MACROD2: variants seen among roughly 807,000 people sequenced by gnomAD.
The protein encoded by MACROD2 is mono-ADP ribosylhydrolase 2.
Under a neutral mutation model 70.4 loss-of-function variants are expected in MACROD2, and 36 were observed. The observed-to-expected ratio is 0.51, with a 90% CI of 0.39 to 0.68. MACROD2 has a LOEUF of 0.68. Ranked by LOEUF, MACROD2 falls within the 30% of genes least tolerant of loss-of-function variation. MACROD2 has a pLI of 0.00. For synonymous variants in MACROD2, 172 were observed against 178.8 expected (o/e 0.96, Z 0.30); for missense variants, 496 against 538.4 (o/e 0.92, Z 0.78).
At chr20:14,913,454 A>C (rs1568871060) in intron 5 of MACROD2, among the ~76,000 whole-genome samples, 1 of 152,150 alleles carries the variant, frequency 6.6e-6, no homozygotes, top group African/African-American at 2.4e-5. Context: ...TGGAAAGCCA[A>C]GGCAGGAGGA....
intron 5 of MACROD2, among the ~76,000 whole-genome samples, chr20:15,099,954 A>T (rs1487349416): frequency 6.6e-6 from 1 of 151,854 alleles, no homozygotes; most frequent in African/African-American, 2.4e-5. Flanking sequence ...AAAATTCAAA[A>T]GAAAAAGAAA....
At chr20:15,619,424 C>A in intron 8 of MACROD2, 1 of 241,630 alleles carries the variant, frequency 4.1e-6, no homozygotes. Context: ...TTTGCAATGG[C>A]GATTTCAGAC....
At chr20:15,881,938 T>C (rs958357551) in intron 9 of MACROD2, among the ~76,000 whole-genome samples, 9 of 152,124 alleles carry the variant, frequency 5.9e-5, no homozygotes, top group African/African-American at 2.2e-4. Context: ...TGTCACAATT[T>C]TTGCAAAGGT....
chr20:14,246,605 C>T (rs755529465), intron 3 of MACROD2, among the ~76,000 whole-genome samples: 3 of 152,004 alleles, frequency 2.0e-5, no homozygotes, highest in African/African-American at 7.2e-5. Flanking sequence ...CTCAACCTTC[C>T]GGAATGAGAG....
chr20:14,625,982 C>T lies in MACROD2; in HGVS notation c.302-58861C>T, dbSNP rs568384053. On this transcript the variant is annotated intron_variant, in intron 4 of 17. Transcript: ENST00000684519. ...GGATTACAGGCATGCACCATGATGC[C>T]CGGCTAATTTTTTTGGTATTTTTAG... Among the ~76,000 whole-genome samples the T allele has an allele frequency of 1.7e-3, 258 of 152,064 alleles. 1 individual carries two copies. The highest frequency in any genetic ancestry group is 5.8e-3 in the African/African-American group (241 of 41,468).
At chr20:15,151,776 C>G (rs1420013425) in intron 5 of MACROD2, among the ~76,000 whole-genome samples, 1 of 151,834 alleles carries the variant, frequency 6.6e-6, no homozygotes, top group Non-Finnish European at 1.5e-5. Flanking sequence ...AATTGCTGGG[C>G]AGGTTGGGGA....
intron 7 of MACROD2, among the ~76,000 whole-genome samples, chr20:15,481,844 T>C (rs6043316): frequency 0.037 from 5,675 of 152,318 alleles, 355 homozygotes; most frequent in African/African-American, 0.12. Context: ...TCTGCCCTTA[T>C]GGAAAGGTAA....
chr20:15,554,680 C>T (rs1420935781), intron 8 of MACROD2, among the ~76,000 whole-genome samples: 1 of 151,864 alleles, frequency 6.6e-6, no homozygotes, highest in African/African-American at 2.4e-5. Context: ...CCTTTAGGTG[C>T]AGTTTATTAT....
intron 2 of MACROD2, among the ~76,000 whole-genome samples, chr20:14,033,920 C>A (rs1339139955): frequency 6.6e-6 from 1 of 152,000 alleles, no homozygotes; most frequent in East Asian, 1.9e-4. Context: ...TCATGGAAAT[C>A]CTTTCATAAG....
At chr20:14,985,621 C>CT (rs1252394479) in intron 5 of MACROD2, among the ~76,000 whole-genome samples, 1 of 150,758 alleles carries the variant, frequency 6.6e-6, no homozygotes, top group African/African-American at 2.4e-5. Flanking sequence ...GTGCTTCCAG[C>CT]TAATGGAGTA....
At chr20:16,047,141 T>A (rs1369316263) in intron 17 of MACROD2, among the ~76,000 whole-genome samples, 1 of 152,184 alleles carries the variant, frequency 6.6e-6, no homozygotes, top group Non-Finnish European at 1.5e-5. Context: ...GAATGAATGA[T>A]TTGTGCAACG....
intron 8 of MACROD2, among the ~76,000 whole-genome samples, chr20:15,683,046 G>C (rs1253881373): frequency 6.6e-6 from 1 of 152,180 alleles, no homozygotes; most frequent in Non-Finnish European, 1.5e-5. Flanking sequence ...ATCAGAGATT[G>C]ATGAACAATT....
chr20:15,323,241 C>T (rs550882260), intron 6 of MACROD2, among the ~76,000 whole-genome samples: 5 of 152,306 alleles, frequency 3.3e-5, no homozygotes, highest in Admixed American at 3.3e-4. Flanking sequence ...ATCCTGCCAT[C>T]ACTGACAGAT....
intron 10 of MACROD2, among the ~76,000 whole-genome samples, chr20:15,915,313 A>G (rs1478285873): frequency 6.6e-6 from 1 of 152,176 alleles, no homozygotes; most frequent in Non-Finnish European, 1.5e-5. Context: ...GAACCACCTT[A>G]TTATTAGGCT....
At position 15,079,782 on chromosome 20, in the gene MACROD2, C is replaced by G. The variant is rs545321788; in HGVS notation, c.419-150158C>G. On this transcript the variant is annotated intron_variant, in intron 5 of 17. Coordinates refer to ENST00000684519, the MANE Select transcript of MACROD2 (RefSeq NM_001351661.2). Reference sequence around the variant, plus strand: ...CTGGGGAAAAGCTCACAACCACACTCTGGTCTCAAGTGGGTCCTCAGCCTC... The same window carrying G: ...CTGGGGAAAAGCTCACAACCACACTGTGGTCTCAAGTGGGTCCTCAGCCTC... Among the ~76,000 whole-genome samples, 57 of 152,248 alleles carry G rather than the reference C, an allele frequency of 3.7e-4. No individual in the cohort carries two copies. The South Asian group carries it at 1.0e-2, about 27-fold the overall frequency.
At chr20:14,811,114 G>T (rs2072705168) in intron 5 of MACROD2, among the ~76,000 whole-genome samples, 1 of 152,016 alleles carries the variant, frequency 6.6e-6, no homozygotes, top group African/African-American at 2.4e-5. Flanking sequence ...AAACAAAAAA[G>T]AGCCCATATA....
chr20:15,186,354 G>A (rs997576740), intron 5 of MACROD2, among the ~76,000 whole-genome samples: 2 of 152,090 alleles, frequency 1.3e-5, no homozygotes, highest in South Asian at 4.2e-4. Context: ...GCATTCAGTT[G>A]GCACCAGATT....
At chr20:14,671,342 T>C (rs888397510) in intron 4 of MACROD2, among the ~76,000 whole-genome samples, 4 of 152,214 alleles carry the variant, frequency 2.6e-5, no homozygotes, top group African/African-American at 9.6e-5. Flanking sequence ...TTGACTTTTT[T>C]GCTCTCAGAC....
At position 15,403,626 on chromosome 20, in the gene MACROD2, T is replaced by C. The variant is rs567920312; in HGVS notation, c.541-27779T>C. ...CTTTGCAGCTAGGTGTCATTGTGTGTCATGGTTCTGGGCCATGCGGTCTAA... is the reference window on the plus strand; with the variant it reads ...CTTTGCAGCTAGGTGTCATTGTGTGCCATGGTTCTGGGCCATGCGGTCTAA... On this transcript the variant is annotated intron_variant, in intron 6 of 17. Transcript: ENST00000684519. 3.3e-5 allele frequency among the ~76,000 whole-genome samples: 5 copies of C among 152,354 alleles called. 1 individual carries two copies. The South Asian group carries it at 1.0e-3, about 32-fold the overall frequency.
Sources: gnomAD v4.1 joint callset for allele counts (sites outside exome capture counted in the v4.1 genomes callset) on GRCh38, gnomAD v4.1.1 for gene constraint, MANE v1.5 for transcripts, NCBI Gene and HGNC (gene_info 2026-07-23, HGNC 2026-07-21) for gene names.